The following MYO16 variants were observed in gnomAD, a reference collection of about 807,000 sequenced individuals.
MYO16 encodes unconventional myosin-XVI.
In MYO16, 94 loss-of-function variants were observed where a neutral mutation model predicts 205.3. The ratio of observed to expected loss-of-function variants is 0.46; its 90% CI spans 0.39 to 0.54. The LOEUF is 0.54. MYO16 is among the 20% of genes least tolerant of loss of function. The probability of loss-of-function intolerance (pLI) is 0.00; values close to 1 mark genes in which losing one functional copy is unlikely to be tolerated. For missense variants in MYO16, 2,315 were observed against 2,387.5 expected (o/e 0.97, Z 0.63); for synonymous variants, 988 against 954.0 (o/e 1.04, Z -0.66).
intron 22 of MYO16, among the ~76,000 whole-genome samples, chr13:109,011,584 G>A (rs187667895): frequency 6.8e-4 from 100 of 147,228 alleles, no homozygotes; most frequent in African/African-American, 2.3e-3. Context: ...GCGCGATCTC[G>A]GCTCACTGCA....
At chr13:108,905,287 C>A (rs1293718053) in intron 15 of MYO16, among the ~76,000 whole-genome samples, 3 of 152,132 alleles carry the variant, frequency 2.0e-5, no homozygotes, top group African/African-American at 7.2e-5. Flanking sequence ...CTTTCAGCTG[C>A]TTTTCAGGTA....
chr13:108,888,626 A>G (rs1880015420), intron 14 of MYO16, 149 bp downstream of exon 14: 2 of 475,806 alleles, frequency 4.2e-6, no homozygotes, highest in Non-Finnish European at 7.6e-6. Flanking sequence ...CTTGGGTTCA[A>G]ATAAATACTG....
intron 13 of MYO16, among the ~76,000 whole-genome samples, chr13:108,887,893 G>A (rs574576517): frequency 1.1e-4 from 16 of 152,058 alleles, no homozygotes; most frequent in African/African-American, 3.9e-4. Flanking sequence ...GGCCCATGAA[G>A]CATGAACAGT....
At chr13:108,873,169 A>G (rs1223230890) in intron 12 of MYO16, among the ~76,000 whole-genome samples, 1 of 152,200 alleles carries the variant, frequency 6.6e-6, no homozygotes, top group African/African-American at 2.4e-5. Context: ...GTTGTTTTAA[A>G]TGACAAATTT....
intron 32 of MYO16, among the ~76,000 whole-genome samples, chr13:109,155,770 C>T (rs367813075): frequency 6.6e-6 from 1 of 152,202 alleles, no homozygotes; most frequent in South Asian, 2.1e-4. Flanking sequence ...CAGTGTGTCA[C>T]CTCCATGAGT....
intron 34 of MYO16, among the ~76,000 whole-genome samples, chr13:109,182,259 T>C (rs1879489008): frequency 6.6e-6 from 1 of 152,152 alleles, no homozygotes; most frequent in African/African-American, 2.4e-5. Flanking sequence ...GGGAAGGGAC[T>C]CCCTCTTCCT....
chr13:108,712,799 C>T (rs1883775560), intron 3 of MYO16, 68 bp downstream of exon 3: 1 of 1,232,508 alleles, frequency 8.1e-7, no homozygotes, highest in Admixed American at 2.5e-5. Flanking sequence ...CAGGTTCAAA[C>T]CCAGGAACGA....
intron 16 of MYO16, among the ~76,000 whole-genome samples, chr13:108,932,786 C>A (rs903144469): frequency 4.6e-5 from 7 of 152,092 alleles, no homozygotes; most frequent in Admixed American, 4.6e-4. Context: ...ATAATGTGCC[C>A]CCTTTCCGCA....
At chr13:108,911,959 A>G (rs566442104) in intron 16 of MYO16, among the ~76,000 whole-genome samples, 20 of 152,238 alleles carry the variant, frequency 1.3e-4, no homozygotes, top group Non-Finnish European at 2.5e-4. Flanking sequence ...TTACCTCGTG[A>G]CAAGGCTAGG....
At chr13:108,622,212 G>C (rs908577811) in intron 1 of MYO16, among the ~76,000 whole-genome samples, 1 of 152,160 alleles carries the variant, frequency 6.6e-6, no homozygotes, top group Admixed American at 6.6e-5. Flanking sequence ...ATATTTTCAT[G>C]AATATAAAGA....
chr13:109,056,113 A>G (rs1887410862), intron 27 of MYO16: 1 of 155,184 alleles, frequency 6.4e-6, no homozygotes, highest in South Asian at 2.0e-4. Context: ...AGAGATAGAC[A>G]GTGTGCCATG....
chr13:109,071,254 A>G (rs1244833917), intron 27 of MYO16, among the ~76,000 whole-genome samples: 4 of 152,144 alleles, frequency 2.6e-5, no homozygotes, highest in Non-Finnish European at 4.4e-5. Context: ...CAAAACATCT[A>G]TTTTTTATAA....
chr13:109,102,918 C>T (rs936134250), intron 28 of MYO16, among the ~76,000 whole-genome samples: 3 of 152,008 alleles, frequency 2.0e-5, no homozygotes, highest in African/African-American at 7.2e-5. Context: ...GCTGAAAACA[C>T]AAGACAAAAA....
At chr13:108,895,106 A>G (rs1880349625) in intron 14 of MYO16, among the ~76,000 whole-genome samples, 2 of 152,200 alleles carry the variant, frequency 1.3e-5, no homozygotes, top group South Asian at 4.1e-4. Context: ...GGATGCCACA[A>G]GTCTTTACTT....
intron 31 of MYO16, among the ~76,000 whole-genome samples, chr13:109,135,564 A>T (rs1214889919): frequency 6.6e-6 from 1 of 152,146 alleles, no homozygotes; most frequent in Admixed American, 6.5e-5. Context: ...CACAGGTATG[A>T]GCATAACGCA....
chr13:108,910,583 A>G (rs910142793), intron 16 of MYO16, among the ~76,000 whole-genome samples: 1 of 152,206 alleles, frequency 6.6e-6, no homozygotes, highest in Non-Finnish European at 1.5e-5. Context: ...ATTTCCTTTA[A>G]TGGAGGCAGA....
chr13:109,012,385 C>G (rs889161455), intron 22 of MYO16, among the ~76,000 whole-genome samples: 1 of 152,134 alleles, frequency 6.6e-6, no homozygotes, highest in Non-Finnish European at 1.5e-5. Flanking sequence ...CCTGTCAAAT[C>G]AGTGGCAGCA....
At chr13:108,936,799 T>C (rs1882510981) in intron 16 of MYO16, among the ~76,000 whole-genome samples, 1 of 152,180 alleles carries the variant, frequency 6.6e-6, no homozygotes, top group Non-Finnish European at 1.5e-5. Flanking sequence ...TCTGTGCCTT[T>C]TAAATTCTTA....
intron 2 of MYO16, among the ~76,000 whole-genome samples, chr13:108,685,880 T>A (rs1303749096): frequency 6.6e-6 from 1 of 152,170 alleles, no homozygotes; most frequent in Non-Finnish European, 1.5e-5. Context: ...ACCTCCTTAT[T>A]TGTGAGGGCA....
Sources: allele counts gnomAD v4.1 joint callset (sites outside exome capture counted in the v4.1 genomes callset), GRCh38; gene constraint gnomAD v4.1.1; transcripts MANE v1.5; gene names NCBI Gene and HGNC (gene_info 2026-07-23, HGNC 2026-07-21).